CYP2J2: variants seen among roughly 807,000 people sequenced by gnomAD.
CYP2J2 encodes the protein cytochrome P450 family 2 subfamily J member 2, also known as cytochrome P450 2J2.
In CYP2J2, 41 loss-of-function variants were observed where a neutral mutation model predicts 48.8. The ratio of observed to expected loss-of-function variants is 0.84; its 90% CI spans 0.66 to 1.09. The LOEUF (loss-of-function observed/expected upper bound fraction) is 1.09, where lower values mean the gene tolerates loss of function less well. Ranked by LOEUF, CYP2J2 falls within the 50% of genes least tolerant of loss-of-function variation. The probability of loss-of-function intolerance (pLI) is 0.00; values close to 1 mark genes in which losing one functional copy is unlikely to be tolerated. For synonymous variants in CYP2J2, 221 were observed against 227.1 expected (o/e 0.97, Z 0.24); for missense variants, 644 against 617.3 (o/e 1.04, Z -0.46).
the CYP2J2 span, among the ~76,000 whole-genome samples, chr1:59,946,040 C>T: frequency 6.6e-6 from 1 of 152,346 alleles, no homozygotes; most frequent in Non-Finnish European, 1.5e-5. Context: ...CATGCACAAT[C>T]GTGCCAGAGT....
At chr1:59,954,086 CTTAT>C in the CYP2J2 span, among the ~76,000 whole-genome samples, 97 of 152,298 alleles carry the variant, frequency 6.4e-4, 1 homozygote, top group Non-Finnish European at 1.0e-3. Context: ...GAGTCAGTGT[CTTAT>C]TTATCACTTT....
intron 1 of CYP2J2, among the ~76,000 whole-genome samples, chr1:59,926,261 A>C (rs1329887112): frequency 1.3e-5 from 2 of 152,236 alleles, no homozygotes. Context: ...AGGGCAAGGT[A>C]ATCACATTAC....
At chr1:59,912,947 G>C (rs1285086392) in intron 2 of CYP2J2, 1 of 152,130 alleles carries the variant, frequency 6.6e-6, no homozygotes, top group Non-Finnish European at 1.5e-5. Flanking sequence ...AAAAATTTTG[G>C]TGTGTTTGAC....
chr1:59,969,097 C>T, the CYP2J2 span, among the ~76,000 whole-genome samples: 30 of 152,218 alleles, frequency 2.0e-4, no homozygotes, highest in South Asian at 8.3e-4. Flanking sequence ...TGCAGACCTT[C>T]GCGGTGTTAC....
chr1:59,895,729 C>G (rs1309304766), intron 8 of CYP2J2, among the ~76,000 whole-genome samples: 1 of 152,070 alleles, frequency 6.6e-6, no homozygotes, highest in Non-Finnish European at 1.5e-5. Flanking sequence ...ATACATGTGC[C>G]ATGCTGGTGC....
chr1:59,935,446 TATG>T, the CYP2J2 span, among the ~76,000 whole-genome samples: 51 of 152,200 alleles, frequency 3.4e-4, no homozygotes, highest in Non-Finnish European at 5.3e-4. Context: ...AGGTGATGAA[TATG>T]ATAAGCAGCT....
intron 6 of CYP2J2, among the ~76,000 whole-genome samples, chr1:59,905,299 A>G (rs1446808917): frequency 6.6e-6 from 1 of 152,180 alleles, no homozygotes; most frequent in Non-Finnish European, 1.5e-5. Flanking sequence ...ACTTCATTAC[A>G]TCAGACCCCA....
At chr1:59,965,764 G>A in the CYP2J2 span, among the ~76,000 whole-genome samples, 1 of 152,132 alleles carries the variant, frequency 6.6e-6, no homozygotes, top group Non-Finnish European at 1.5e-5. Context: ...CTATTCTCAT[G>A]TCTCAGGCTC....
chr1:59,965,027 TGA>T, the CYP2J2 span, among the ~76,000 whole-genome samples: 9 of 152,122 alleles, frequency 5.9e-5, no homozygotes, highest in African/African-American at 1.7e-4. Flanking sequence ...TATCCTGAGA[TGA>T]GAGTTTATAG....
At chr1:59,923,806 G>T (rs915663314) in intron 1 of CYP2J2, among the ~76,000 whole-genome samples, 1 of 152,068 alleles carries the variant, frequency 6.6e-6, no homozygotes, top group Non-Finnish European at 1.5e-5. Context: ...AAGAACTCGT[G>T]GCACAACAAG....
At chr1:59,950,625 G>A in the CYP2J2 span, among the ~76,000 whole-genome samples, 14 of 152,276 alleles carry the variant, frequency 9.2e-5, no homozygotes, top group African/African-American at 2.6e-4. Context: ...AATCACCCCC[G>A]ACCATAGTGG....
At chr1:59,903,897 C>T (rs1044756780) in intron 7 of CYP2J2, among the ~76,000 whole-genome samples, 1 of 152,172 alleles carries the variant, frequency 6.6e-6, no homozygotes, top group African/African-American at 2.4e-5. Flanking sequence ...ACTTCGCAAT[C>T]CATAACATGG....
At chr1:59,939,788 C>T in the CYP2J2 span, among the ~76,000 whole-genome samples, 3 of 152,190 alleles carry the variant, frequency 2.0e-5, no homozygotes, top group Non-Finnish European at 2.9e-5. Flanking sequence ...ACTAAAACCA[C>T]GAGACATAGC....
chr1:59,893,803 A>G lies in CYP2J2; in HGVS notation c.1357T>C (p.Leu453=), dbSNP rs1172832909. ...AAAATAAACAGCTCAGTCCTGGCCA[A>G]CTGTTCTCCGAGGCATGCCCGCTTT... ...IGKRACLGEQ[L]ARTELFIFFT... is the part of the protein sequence containing the mutation. Residue 453 remains leucine (L), a synonymous_variant, in exon 9 of 9, where the codon TTG becomes CTG. Transcript: ENST00000371204. The G allele has an allele frequency of 1.2e-6, 2 of 1,609,816 alleles. No homozygotes were observed. The highest frequency in any genetic ancestry group is 1.7e-6 in the Non-Finnish European group (2 of 1,178,416).
At chr1:59,910,092 T>C (rs1229960749) in intron 4 of CYP2J2, 132 bp from the exon 5 acceptor site, 1 of 652,510 alleles carries the variant, frequency 1.5e-6, no homozygotes, top group Non-Finnish European at 2.5e-6. Context: ...CCTTGACCCC[T>C]CTTTTCTCTC....
the CYP2J2 span, among the ~76,000 whole-genome samples, chr1:59,958,910 T>A: frequency 3.9e-5 from 6 of 152,164 alleles, no homozygotes; most frequent in Non-Finnish European, 8.8e-5. Context: ...TAAACTTCAT[T>A]CCTTGATTGC....
chr1:59,951,322 G>A, the CYP2J2 span, among the ~76,000 whole-genome samples: 2 of 152,034 alleles, frequency 1.3e-5, no homozygotes, highest in African/African-American at 4.8e-5. Flanking sequence ...ATTCCCACAT[G>A]GCTTTCAAGG....
chr1:59,947,879 A>C, the CYP2J2 span, among the ~76,000 whole-genome samples: 1 of 151,804 alleles, frequency 6.6e-6, no homozygotes, highest in South Asian at 2.1e-4. Context: ...TTCTACTGGA[A>C]GAAGTATCCA....
At chr1:59,900,815 C>T (rs1644312565) in intron 8 of CYP2J2, 150 bp downstream of exon 8, 1 of 849,050 alleles carries the variant, frequency 1.2e-6, no homozygotes, top group South Asian at 1.9e-5. Context: ...CTTGGAAATC[C>T]CAGGGCTGCC....
Sources: gnomAD v4.1 joint callset for allele counts (sites outside exome capture counted in the v4.1 genomes callset) on GRCh38, gnomAD v4.1.1 for gene constraint, MANE v1.5 for transcripts, NCBI Gene and HGNC (gene_info 2026-07-23, HGNC 2026-07-21) for gene names.